The following DNAJC6 variants were observed in gnomAD, a reference collection of about 807,000 sequenced individuals.
DNAJC6 encodes DnaJ heat shock protein family (Hsp40) member C6, also known as auxilin.
DNAJC6 carries 34 observed loss-of-function variants against 110.0 expected under a neutral mutation model. The observed-to-expected ratio is 0.31, with a 90% CI of 0.24 to 0.41. The LOEUF is 0.41. Ranked by LOEUF, DNAJC6 falls within the 10% of genes least tolerant of loss-of-function variation. The pLI, the probability that DNAJC6 is intolerant of heterozygous loss-of-function variation, is 1.00. For missense variants in DNAJC6, 1,031 were observed against 1,207.8 expected (o/e 0.85, Z 2.17); for synonymous variants, 406 against 437.2 (o/e 0.93, Z 0.89).
chr1:65,314,089 G>C (rs964201312), intron 1 of DNAJC6, among the ~76,000 whole-genome samples: 2 of 151,902 alleles, frequency 1.3e-5, no homozygotes, highest in Non-Finnish European at 2.9e-5. Context: ...ACTTTTTAAA[G>C]AATAAGTATA....
At chr1:65,292,672 T>C (rs974145691) in intron 1 of DNAJC6, among the ~76,000 whole-genome samples, 4 of 152,036 alleles carry the variant, frequency 2.6e-5, no homozygotes, top group African/African-American at 4.8e-5. Context: ...TGGGCTCAAG[T>C]GATCCTCCTG....
At chr1:65,391,943 A>G (rs796308335) in intron 11 of DNAJC6, among the ~76,000 whole-genome samples, 12 of 152,216 alleles carry the variant, frequency 7.9e-5, no homozygotes, top group African/African-American at 2.6e-4. Flanking sequence ...ATGTGCAGCT[A>G]ATTTTTGTAT....
At chr1:65,345,391 A>C (rs1645427881) in intron 1 of DNAJC6, among the ~76,000 whole-genome samples, 1 of 152,052 alleles carries the variant, frequency 6.6e-6, no homozygotes, top group Non-Finnish European at 1.5e-5. Flanking sequence ...ATCTCATTTA[A>C]TCATCGTATA....
At chr1:65,340,748 G>A (rs556282030) in intron 1 of DNAJC6, among the ~76,000 whole-genome samples, 391 of 152,154 alleles carry the variant, frequency 2.6e-3, no homozygotes, top group Non-Finnish European at 3.8e-3. Flanking sequence ...CTCTCTCCCC[G>A]ACTCTGCCTG....
intron 1 of DNAJC6, among the ~76,000 whole-genome samples, chr1:65,302,125 A>ATAT (rs1557508056): frequency 3.6e-3 from 74 of 20,716 alleles, no homozygotes; most frequent in Non-Finnish European, 4.7e-3. Context: ...TATATATATA[A>ATAT]AAAATATATA....
At position 65,343,440 on chromosome 1, in the gene DNAJC6, C is replaced by T. The variant is rs543207433; in HGVS notation, c.194-21195C>T. Among the ~76,000 whole-genome samples the T allele has an allele frequency of 5.8e-4, 89 of 152,264 alleles. 1 individual carries two copies. The South Asian group carries it at 0.017, about 30-fold the overall frequency. Reference sequence around the variant, plus strand: ...TGAAAATTCCAGAAATAATCCATTACGTTTTAAATTGTGTGCCATTCTGAG... The same window carrying T: ...TGAAAATTCCAGAAATAATCCATTATGTTTTAAATTGTGTGCCATTCTGAG... On this transcript the variant is annotated intron_variant, in intron 1 of 18. Coordinates refer to ENST00000371069, the MANE Select transcript of DNAJC6 (RefSeq NM_001256864.2).
chr1:65,337,031 C>A (rs548661653), intron 1 of DNAJC6, among the ~76,000 whole-genome samples: 2 of 151,798 alleles, frequency 1.3e-5, no homozygotes, highest in South Asian at 2.1e-4. Flanking sequence ...GGAAAAAAAA[C>A]CAGGCCATTT....
chr1:65,281,339 T>C (rs1653836736), intron 1 of DNAJC6, among the ~76,000 whole-genome samples: 1 of 152,220 alleles, frequency 6.6e-6, no homozygotes, highest in Non-Finnish European at 1.5e-5. Context: ...CAGTGGTTTT[T>C]AGTATATTCA....
chr1:65,322,800 A>G (rs1262464099), intron 1 of DNAJC6, among the ~76,000 whole-genome samples: 1 of 152,224 alleles, frequency 6.6e-6, no homozygotes, highest in Non-Finnish European at 1.5e-5. Context: ...AGACTCATAC[A>G]TGAGAAATGA....
chr1:65,289,227 G>C (rs1029578445), intron 1 of DNAJC6, among the ~76,000 whole-genome samples: 2 of 151,654 alleles, frequency 1.3e-5, no homozygotes, highest in Non-Finnish European at 2.9e-5. Context: ...ATGGAGTCTC[G>C]CTCTGTTACC....
chr1:65,333,468 A>G (rs1042434746), intron 1 of DNAJC6, among the ~76,000 whole-genome samples: 2 of 152,074 alleles, frequency 1.3e-5, no homozygotes, highest in African/African-American at 4.8e-5. Flanking sequence ...TAAACTGGGT[A>G]TAATTGTCTT....
In DNAJC6 at chr1:65,277,410, T is replaced by C. The variant is rs561027743; in HGVS notation, c.-131+12478T>C. ...GTTCTCCATTCAAATGTTTTAATAC[T>C]TTTGTGATTTTATGATTTGTAATTG... On this transcript the variant is annotated intron_variant, in intron 1 of 19. Coordinates refer to the DNAJC6 transcript ENST00000263441. Among the ~76,000 whole-genome samples, 12 of 152,374 alleles carry C rather than the reference T, an allele frequency of 7.9e-5. 1 individual carries two copies. In the South Asian group the frequency reaches 2.5e-3, roughly 32 times the overall value.
Position 65,392,717 on chromosome 1 carries a change from T to C in DNAJC6, c.1755T>C (p.Phe585=), listed in dbSNP as rs1412214392. 1 of 1,612,858 alleles carries C rather than the reference T, an allele frequency of 6.2e-7. No individual in the cohort carries two copies. Among genetic ancestry groups the C allele is most frequent in the East Asian group, 2.2e-5 (1 of 44,866 alleles). The part of the protein sequence containing the change: ...PTNSELLSDL[F]GGGGAAGPTQ... Reference sequence around the variant, plus strand: ...ATTCTGAACTACTGAGTGACCTGTTTGGGGGTGGAGGTGCAGCTGGTCCCA... The same window carrying C: ...ATTCTGAACTACTGAGTGACCTGTTCGGGGGTGGAGGTGCAGCTGGTCCCA... The change falls in exon 12 of 19, where the codon TTT becomes TTC. Residue 585 remains phenylalanine (F), a synonymous_variant. Transcript: ENST00000371069.
intron 1 of DNAJC6, among the ~76,000 whole-genome samples, chr1:65,282,656 A>G (rs2101192825): frequency 6.6e-6 from 1 of 152,298 alleles, no homozygotes; most frequent in East Asian, 1.9e-4. Flanking sequence ...GATGGACTTT[A>G]TCTGCTGCAC....
chr1:65,390,014 A>G (rs1645911162), intron 11 of DNAJC6, among the ~76,000 whole-genome samples: 1 of 152,180 alleles, frequency 6.6e-6, no homozygotes, highest in Admixed American at 6.5e-5. Flanking sequence ...CTCCATCTCT[A>G]AAAAATTTTT....
chr1:65,407,993 C>T (rs1443463198), intron 16 of DNAJC6, among the ~76,000 whole-genome samples: 2 of 152,108 alleles, frequency 1.3e-5, no homozygotes, highest in African/African-American at 4.8e-5. Context: ...CAAAACAAGT[C>T]CATAAGGTGA....
At chr1:65,369,822 A>T (rs1212072668) in intron 4 of DNAJC6, among the ~76,000 whole-genome samples, 3 of 152,140 alleles carry the variant, frequency 2.0e-5, no homozygotes, top group African/African-American at 7.2e-5. Flanking sequence ...TAGAAGCCAC[A>T]TTGGTTGACA....
chr1:65,276,030 T>C (rs1475429243), intron 1 of DNAJC6, among the ~76,000 whole-genome samples: 1 of 151,908 alleles, frequency 6.6e-6, no homozygotes, highest in African/African-American at 2.4e-5. Flanking sequence ...TACAGGCATG[T>C]ACCACTATGC....
intron 4 of DNAJC6, among the ~76,000 whole-genome samples, chr1:65,372,894 T>C (rs974514626): frequency 6.6e-6 from 1 of 152,178 alleles, no homozygotes; most frequent in African/African-American, 2.4e-5. Flanking sequence ...ATATATAATG[T>C]ACCATTTTTA....
Sources: allele counts gnomAD v4.1 joint callset (sites outside exome capture counted in the v4.1 genomes callset), GRCh38; gene constraint gnomAD v4.1.1; transcripts MANE v1.5; gene names NCBI Gene and HGNC (gene_info 2026-07-23, HGNC 2026-07-21).